The following KCNIP4 variants were observed in gnomAD, a reference collection of about 807,000 sequenced individuals.
KCNIP4 encodes Kv channel-interacting protein 4.
Under a neutral mutation model 34.0 loss-of-function variants are expected in KCNIP4, and 12 were observed. That is an observed-to-expected ratio of 0.35 (90% CI 0.23 to 0.57). KCNIP4 has a LOEUF of 0.57. Among genes scored for constraint, KCNIP4 ranks in the 20% least tolerant of loss-of-function variants. The pLI is 0.83. For synonymous variants in KCNIP4, 124 were observed against 102.2 expected, an observed-to-expected ratio of 1.21 and a Z score of -1.29; for missense variants, 238 against 311.7, an observed-to-expected ratio of 0.76 and a Z score of 1.78.
At chr4:21,402,245 A>G (rs1284868977) in intron 1 of KCNIP4, among the ~76,000 whole-genome samples, 2 of 152,206 alleles carry the variant, frequency 1.3e-5, no homozygotes, top group African/African-American at 2.4e-5. Context: ...TATATTTTTT[A>G]AGGAAGTGGA....
chr4:20,768,954 C>T (rs1553892951), intron 3 of KCNIP4, among the ~76,000 whole-genome samples: 1 of 151,812 alleles, frequency 6.6e-6, no homozygotes, highest in Non-Finnish European at 1.5e-5. Flanking sequence ...CTGAGCCCCA[C>T]GAGTTCTCAG....
intron 1 of KCNIP4, among the ~76,000 whole-genome samples, chr4:21,305,289 A>G (rs75891147): frequency 5.3e-4 from 81 of 152,308 alleles, no homozygotes; most frequent in African/African-American, 1.8e-3. Flanking sequence ...CTCCAGGGAC[A>G]GACTGCTGGG....
At chr4:21,510,025 C>T (rs1475476042) in intron 1 of KCNIP4, among the ~76,000 whole-genome samples, 2 of 142,708 alleles carry the variant, frequency 1.4e-5, no homozygotes, top group Non-Finnish European at 3.0e-5. Context: ...AGCAGCAAGC[C>T]GAGATCGCAC....
chr4:21,092,060 C>T (rs1238693692), intron 1 of KCNIP4, among the ~76,000 whole-genome samples: 1 of 152,128 alleles, frequency 6.6e-6, no homozygotes, highest in East Asian at 1.9e-4. Flanking sequence ...TTGTCCAACC[C>T]AGAAACTTCT....
At chr4:21,900,878 C>T (rs919112414) in intron 1 of KCNIP4, among the ~76,000 whole-genome samples, 16 of 152,008 alleles carry the variant, frequency 1.1e-4, no homozygotes, top group African/African-American at 3.6e-4. Context: ...ATGACTACAA[C>T]AGTTCATCTT....
intron 1 of KCNIP4, among the ~76,000 whole-genome samples, chr4:21,806,950 A>C (rs1053858440): frequency 3.3e-5 from 5 of 152,104 alleles, no homozygotes; most frequent in African/African-American, 1.2e-4. Context: ...ATTATACTAT[A>C]CGATGAAACA....
chr4:20,850,700 C>T, intron 2 of KCNIP4, 33 bp from the exon 3 acceptor site: 1 of 1,604,102 alleles, frequency 6.2e-7, no homozygotes. Context: ...GTCTTAGGAC[C>T]AGCCACTGCT....
rs183787446 is a variant in KCNIP4, at chr4:20,887,881, C to A, written c.62-5172G>T. Among the ~76,000 whole-genome samples, 74 of 151,314 alleles carry A rather than the reference C, an allele frequency of 4.9e-4. No homozygotes were observed. In the East Asian group the frequency reaches 8.7e-3, roughly 18 times the overall value. On this transcript the variant is annotated intron_variant, in intron 1 of 8. Transcript: ENST00000382152. ...TTCCTACTTTCTTTGTTTAAAACAG[C>A]AAAAAAGTATTGTAGAGTTTATTAC...
chr4:21,248,836 GGTTA>G (rs1299382088), intron 1 of KCNIP4, among the ~76,000 whole-genome samples: 7 of 152,216 alleles, frequency 4.6e-5, no homozygotes, highest in Non-Finnish European at 8.8e-5. Context: ...GACTCACAGA[GGTTA>G]GTTAAACAAC....
intron 1 of KCNIP4, among the ~76,000 whole-genome samples, chr4:21,210,442 C>T (rs911478957): frequency 2.0e-5 from 3 of 152,080 alleles, no homozygotes; most frequent in Non-Finnish European, 4.4e-5. Context: ...TATTATTTGC[C>T]TAGATCCAGG....
intron 1 of KCNIP4, among the ~76,000 whole-genome samples, chr4:21,738,978 T>C (rs1225971010): frequency 6.6e-6 from 1 of 152,198 alleles, no homozygotes; most frequent in African/African-American, 2.4e-5. Context: ...ATTAAAATCA[T>C]AGTGAAATCA....
At chr4:20,997,994 C>G (rs1737724438) in intron 1 of KCNIP4, among the ~76,000 whole-genome samples, 1 of 152,106 alleles carries the variant, frequency 6.6e-6, no homozygotes, top group African/African-American at 2.4e-5. Context: ...AGCTGTTAAG[C>G]TGATAACTTA....
At chr4:21,382,736 C>T (rs1416893466) in intron 1 of KCNIP4, among the ~76,000 whole-genome samples, 1 of 152,128 alleles carries the variant, frequency 6.6e-6, no homozygotes. Flanking sequence ...TGGCTCAAAT[C>T]TGAATTATCC....
intron 1 of KCNIP4, among the ~76,000 whole-genome samples, chr4:21,299,873 A>T (rs1167514318): frequency 2.0e-5 from 3 of 152,198 alleles, no homozygotes; most frequent in African/African-American, 7.2e-5. Flanking sequence ...TAATATTTTG[A>T]TTAAGCCTCT....
chr4:21,375,518 G>A (rs916704744), intron 1 of KCNIP4, among the ~76,000 whole-genome samples: 2 of 152,050 alleles, frequency 1.3e-5, no homozygotes, highest in African/African-American at 4.8e-5. Flanking sequence ...ATTTGATTAA[G>A]AGCACAACAA....
intron 1 of KCNIP4, among the ~76,000 whole-genome samples, chr4:21,311,697 A>G (rs776437780): frequency 7.9e-6 from 1 of 126,516 alleles, no homozygotes; most frequent in East Asian, 1.9e-4. Flanking sequence ...CAAAAAAAAG[A>G]AAAAAAATGT....
At chr4:20,936,414 G>GT (rs10676973) in intron 1 of KCNIP4, among the ~76,000 whole-genome samples, 1,767 of 150,372 alleles carry the variant, frequency 0.012, 27 homozygotes, top group African/African-American at 0.036. Context: ...TAAAAGATAT[G>GT]TTTTTTTTTT....
intron 1 of KCNIP4, among the ~76,000 whole-genome samples, chr4:21,877,355 AAAATAAAT>A (rs369426118): frequency 1.9e-4 from 29 of 151,924 alleles, no homozygotes; most frequent in Non-Finnish European, 3.1e-4. Context: ...CTCCATCTCA[AAAATAAAT>A]AAATAAATAA....
At chr4:21,155,234 G>A (rs528480825) in intron 1 of KCNIP4, among the ~76,000 whole-genome samples, 5 of 152,108 alleles carry the variant, frequency 3.3e-5, no homozygotes, top group Middle Eastern at 3.4e-3. Context: ...AATATCCATC[G>A]GTTTAAGCTA....
Sources: allele counts gnomAD v4.1 joint callset (sites outside exome capture counted in the v4.1 genomes callset), GRCh38; gene constraint gnomAD v4.1.1; transcripts MANE v1.5; gene names NCBI Gene and HGNC (gene_info 2026-07-23, HGNC 2026-07-21).